PFKP: variants seen among roughly 807,000 people sequenced by gnomAD.
PFKP encodes the protein phosphofructokinase, platelet.
In PFKP, 101 loss-of-function variants were observed where a neutral mutation model predicts 94.3. That is an observed-to-expected ratio of 1.07 (90% CI 0.91 to 1.26). The LOEUF is 1.26. Ranked by LOEUF, PFKP falls within the 50% of genes most tolerant of loss-of-function variation. The probability of loss-of-function intolerance (pLI) is 0.00; values close to 1 mark genes in which losing one functional copy is unlikely to be tolerated. For missense variants in PFKP, 1,145 were observed against 1,103.3 expected (o/e 1.04, Z -0.53); for synonymous variants, 573 against 432.6 (o/e 1.32, Z -4.03).
chr10:3,135,520 G>A (rs2131748429), intron 20 of PFKP, among the ~76,000 whole-genome samples: 1 of 152,324 alleles, frequency 6.6e-6, no homozygotes, highest in South Asian at 2.1e-4. Flanking sequence ...AACAAAAGCT[G>A]CTTTCCAGGA....
intron 5 of PFKP, 166 bp from the exon 6 acceptor site, chr10:3,104,949 A>G: frequency 1.4e-6 from 1 of 700,446 alleles, no homozygotes; most frequent in Non-Finnish European, 2.6e-6. Flanking sequence ...GCCTTAGTAG[A>G]AAATGGACCA....
chr10:3,095,736 G>A (rs985398080), intron 2 of PFKP, among the ~76,000 whole-genome samples: 2 of 152,156 alleles, frequency 1.3e-5, no homozygotes, highest in African/African-American at 2.4e-5. Flanking sequence ...GAATTTCTAC[G>A]TTGTAGTACG....
intron 21 of PFKP, 59 bp from the exon 22 acceptor site, chr10:3,136,391 C>A: frequency 6.3e-6 from 10 of 1,588,014 alleles, no homozygotes; most frequent in Middle Eastern, 1.8e-4. Flanking sequence ...GCTGGCCAGG[C>A]GGAGGCATCT....
chr10:3,077,266 T>TTTC (rs1554757509), intron 1 of PFKP, among the ~76,000 whole-genome samples: 15 of 125,464 alleles, frequency 1.2e-4, no homozygotes, highest in Non-Finnish European at 7.0e-5. Context: ...TTTTTCTTTT[T>TTTC]TTTTTTTTTT....
Position 3,135,831 on chromosome 10 carries a change from G to C in PFKP, c.2218G>C (p.Asp740His), listed in dbSNP as rs566420405. 1 of 1,608,044 alleles carries C rather than the reference G, an allele frequency of 6.2e-7. No homozygotes were observed. The highest frequency in any genetic ancestry group is 1.3e-5 in the African/African-American group (1 of 74,912). Residue 740 changes from aspartate to histidine, a missense_variant, in exon 21 of 22, where the codon GAT becomes CAT. By Grantham distance (81) the Asp-to-His change is moderately conservative. Transcript: ENST00000381125. Reference protein sequence around the residue: ...QPVAELKKQTDFEHRIPKEQW... With the variant: ...QPVAELKKQTHFEHRIPKEQW... ...TGTGGCAGAGCTGAAGAAGCAAACGGATTTTGAGTAAGTTGGCTGGGTTCC... is the reference window on the plus strand; with the variant it reads ...TGTGGCAGAGCTGAAGAAGCAAACGCATTTTGAGTAAGTTGGCTGGGTTCC...
rs188968369 is a variant in PFKP at position 3,078,965 on chromosome 10, G to C, written c.113-3423G>C. ...AATTGTGTCTCTTTAAAAGTGTGGTGCCCCCATCACCTGGAAATTGCTAGA... is the reference window on the plus strand; with the variant it reads ...AATTGTGTCTCTTTAAAAGTGTGGTCCCCCCATCACCTGGAAATTGCTAGA... On this transcript the variant is annotated intron_variant, in intron 1 of 21. Coordinates refer to ENST00000381125, the MANE Select transcript of PFKP (RefSeq NM_002627.5). 1.8e-4 allele frequency among the ~76,000 whole-genome samples: 27 copies of C among 152,314 alleles called. No individual in the cohort carries two copies. The East Asian group carries it at 4.6e-3, about 26-fold the overall frequency.
intron 16 of PFKP, among the ~76,000 whole-genome samples, chr10:3,122,426 A>G (rs984429314): frequency 2.6e-5 from 4 of 152,186 alleles, no homozygotes; most frequent in African/African-American, 7.2e-5. Flanking sequence ...CCGATATGTG[A>G]ACATGGCAGC....
chr10:3,130,631 C>T (rs59993364), intron 17 of PFKP, among the ~76,000 whole-genome samples: 20,013 of 152,190 alleles, frequency 0.13, 1,327 homozygotes, highest in Non-Finnish European at 0.14. Flanking sequence ...GTGGTCTCGG[C>T]TTACTGCAAC....
At chr10:3,103,553 C>T (rs1021290891) in intron 4 of PFKP, among the ~76,000 whole-genome samples, 1 of 152,176 alleles carries the variant, frequency 6.6e-6, no homozygotes, top group African/African-American at 2.4e-5. Flanking sequence ...CGCCTGAGCC[C>T]AGGAGTTCAA....
intron 3 of PFKP, 75 bp downstream of exon 3, chr10:3,099,427 T>C: frequency 3.5e-6 from 4 of 1,153,150 alleles, no homozygotes; most frequent in Non-Finnish European, 5.2e-6. Flanking sequence ...CCAGAACACT[T>C]GAGCTCAGAT....
chr10:3,136,157 A>G (rs183297892), intron 21 of PFKP, among the ~76,000 whole-genome samples: 68 of 152,284 alleles, frequency 4.5e-4, no homozygotes, highest in African/African-American at 1.6e-3. Flanking sequence ...CCAGCTACTC[A>G]GGAGGCTGAG....
intron 16 of PFKP, chr10:3,125,130 C>G (rs554425449): frequency 7.5e-7 from 1 of 1,333,284 alleles, no homozygotes; most frequent in East Asian, 5.0e-5. Context: ...GGCCGAGGCA[C>G]GAGGCCGCCA....
Position 3,136,546 on chromosome 10 carries a change from C to A in PFKP, c.2322C>A (p.Gly774=), listed in dbSNP as rs1434453802. The A allele has an allele frequency of 1.9e-6, 3 of 1,613,688 alleles. No homozygotes were observed. Among genetic ancestry groups the A allele is most frequent in the Non-Finnish European group, 2.5e-6 (3 of 1,179,776 alleles). ...CCAGCTATGACGTGTCGGACTCAGG[C>A]CAGCTGGAACATGTGCAGCCCTGGA... ...YKASYDVSDS[G]QLEHVQPWSV Residue 774 remains glycine, a synonymous_variant, in exon 22 of 22, where the codon GGC becomes GGA. Coordinates refer to ENST00000381125, the MANE Select transcript of PFKP (RefSeq NM_002627.5).
chr10:3,077,261 C>CTTTTTTTTTTTTTTTTTTTTTTTTTTTT (rs34485324), intron 1 of PFKP, among the ~76,000 whole-genome samples: 4 of 84,240 alleles, frequency 4.7e-5, no homozygotes, highest in Non-Finnish European at 6.3e-5. Flanking sequence ...TTTTTTTTTT[C>CTTTTTTTTTTTTTTTTTTTTTTTTTTTT]TTTTTTTTTT....
chr10:3,101,566 C>T lies in PFKP; in HGVS notation c.454+12C>T, dbSNP rs200359976. 2 of 1,511,734 alleles carry T rather than the reference C, an allele frequency of 1.3e-6. No homozygotes were observed. Among genetic ancestry groups the T allele is most frequent in the Non-Finnish European group, 1.8e-6 (2 of 1,128,658 alleles). 93.6% of individuals were successfully genotyped at this position (1,511,734 alleles called of 1,614,324 possible). A position where few individuals can be genotyped will look rare whatever the true frequency, so the allele number is the denominator to read the frequency against. ...GCTGGCCAGGAACGGTGAGTGGACACCTGCTCCTCTGTCCTGCGGGTTTTC... is the reference window on the plus strand; with the variant it reads ...GCTGGCCAGGAACGGTGAGTGGACATCTGCTCCTCTGTCCTGCGGGTTTTC... On this transcript the variant is annotated intron_variant, in intron 4 of 21. Transcript: ENST00000381125.
In PFKP at chr10:3,129,922, T is replaced by C. The variant is rs772699863; in HGVS notation, c.1787T>C (p.Leu596Pro). Reference protein sequence around the residue: ...YCGYLANMGGLAAGADAAYIF... With the variant: ...YCGYLANMGGPAAGADAAYIF... The stretch of plus-strand genomic sequence containing the variant: ...GGCTACCTGGCCAACATGGGGGGGC[T>C]CGCGGCCGGAGCTGATGCCGCATAC... Residue 596 changes from leucine to proline, a missense_variant, in exon 17 of 22, where the codon CTC becomes CCC. Physicochemically the swap from Leu to Pro is moderately conservative, Grantham distance 98 (BLOSUM62 -3). This residue lies in a region of PFKP where 1,119 missense variants were observed against 1,062.8 expected (regional missense o/e 1.05). Transcript: ENST00000381125. 2.5e-6 allele frequency: 4 copies of C among 1,611,674 alleles called. No individual in the cohort carries two copies. The highest frequency in any genetic ancestry group is 3.4e-6 in the Non-Finnish European group (4 of 1,178,948).
intron 1 of PFKP, among the ~76,000 whole-genome samples, chr10:3,080,105 C>T (rs564003120): frequency 6.6e-6 from 1 of 151,378 alleles, no homozygotes; most frequent in African/African-American, 2.4e-5. Context: ...GGAACAGGAG[C>T]CTCCGAGTGC....
chr10:3,109,459 G>A lies in PFKP; in HGVS notation c.1068G>A (p.Pro356=), dbSNP rs745398802. The change falls in exon 10 of 22, where the codon CCG becomes CCA. Residue 356 remains proline, a synonymous_variant. Transcript: ENST00000381125. ...SLNGNHAVRL[P]LMECVQMTQD... ...ACGGGAACCACGCCGTGCGCCTGCCGCTGATGGAGTGCGTGCAGATGGTGA... is the reference window on the plus strand; with the variant it reads ...ACGGGAACCACGCCGTGCGCCTGCCACTGATGGAGTGCGTGCAGATGGTGA... The A allele has an allele frequency of 1.4e-5, 23 of 1,605,988 alleles. No individual in the cohort carries two copies. Among genetic ancestry groups the A allele is most frequent in the Admixed American group, 3.3e-5 (2 of 59,912 alleles).
chr10:3,132,346 T>C, intron 17 of PFKP, 34 bp from the exon 18 acceptor site: 1 of 1,517,210 alleles, frequency 6.6e-7, no homozygotes, highest in Middle Eastern at 1.7e-4. Context: ...TTAGTAGAAG[T>C]TTATTGTCTG....
Sources: gnomAD v4.1 joint callset for allele counts (sites outside exome capture counted in the v4.1 genomes callset) on GRCh38, gnomAD v4.1.1 for gene constraint, gnomAD v4.1.1 regional missense constraint, MANE v1.5 for transcripts, NCBI Gene and HGNC (gene_info 2026-07-23, HGNC 2026-07-21) for gene names.